PEX7: variants seen among roughly 807,000 people sequenced by gnomAD.
PEX7 encodes the protein PTS2 receptor.
A neutral mutation model predicts 47.5 loss-of-function variants in PEX7; 34 were observed. The observed-to-expected ratio is 0.72, with a 90% CI of 0.54 to 0.95. PEX7 has a LOEUF of 0.95. Ranked by LOEUF, PEX7 falls within the 40% of genes least tolerant of loss-of-function variation. PEX7 has a pLI of 0.00. For synonymous variants in PEX7, 141 were observed against 148.8 expected (o/e 0.95, Z 0.38); for missense variants, 394 against 400.3 (o/e 0.98, Z 0.13).
At position 136,913,865 on chromosome 6, in the gene PEX7, T is replaced by C. The variant is rs1431756536; in HGVS notation, c.*339T>C. 1 of 236,678 alleles carries C rather than the reference T, an allele frequency of 4.2e-6. No homozygotes were observed. The highest frequency in any genetic ancestry group is 8.3e-6 in the Non-Finnish European group (1 of 120,232). 14.7% of individuals were successfully genotyped at this position (236,678 alleles called of 1,614,324 possible). A position where few individuals can be genotyped will look rare whatever the true frequency, so the allele number is the denominator to read the frequency against. On this transcript the variant is annotated 3_prime_UTR_variant, in exon 10 of 10. Coordinates refer to ENST00000318471, the MANE Select transcript of PEX7 (RefSeq NM_000288.4). ...ATAGTGATATATTTCATTTTTAATT[T>C]GTCATTTTTGATGTAAAATATAATC...
chr6:136,909,258 T>G (rs1295746260), intron 9 of PEX7, among the ~76,000 whole-genome samples: 2 of 152,226 alleles, frequency 1.3e-5, no homozygotes, highest in Non-Finnish European at 2.9e-5. Context: ...AAACAGTTCT[T>G]AGGACACAAA....
intron 9 of PEX7, 44 bp from the exon 10 acceptor site, chr6:136,913,414 G>C: frequency 3.6e-6 from 5 of 1,386,030 alleles, no homozygotes; most frequent in East Asian, 2.3e-5. Flanking sequence ...TTGAATTTTT[G>C]TATGTCTAAA....
In PEX7 at chr6:136,913,714, C is replaced by T. The variant is rs1775971605; in HGVS notation, c.*188C>T. ...TTTAGCTGACTCGTTAAGCCTGATA[C>T]ATAAGCCATATTTAAAATTCTAAGA... On this transcript the variant is annotated 3_prime_UTR_variant, in exon 10 of 10. Coordinates refer to ENST00000318471, the MANE Select transcript of PEX7 (RefSeq NM_000288.4). The T allele has an allele frequency of 1.3e-5, 8 of 595,744 alleles. No homozygotes were observed. In the South Asian group the frequency reaches 1.6e-4, roughly 12 times the overall value. 36.9% of individuals were successfully genotyped at this position (595,744 alleles called of 1,614,324 possible).
intron 8 of PEX7, among the ~76,000 whole-genome samples, chr6:136,883,656 C>G (rs932755375): frequency 6.6e-6 from 1 of 152,086 alleles, no homozygotes; most frequent in South Asian, 2.1e-4. Flanking sequence ...ATTTCCAGCC[C>G]CTGTGTCAGG....
intron 5 of PEX7, among the ~76,000 whole-genome samples, chr6:136,856,404 T>C (rs1222783741): frequency 1.3e-5 from 2 of 151,924 alleles, no homozygotes; most frequent in African/African-American, 4.8e-5. Flanking sequence ...TTTATAGGCA[T>C]GGTTGAATGT....
rs568327183 is a variant in PEX7, at chr6:136,900,495, G to C, written c.903+2254G>C. 2.9e-5 allele frequency: 14 copies of C among 480,872 alleles called. No individual in the cohort carries two copies. The highest frequency in any genetic ancestry group is 2.0e-4 in the South Asian group (13 of 65,818). 29.8% of individuals were successfully genotyped at this position (480,872 alleles called of 1,614,324 possible). A position where few individuals can be genotyped will look rare whatever the true frequency, so the allele number is the denominator to read the frequency against. ...AGTGACAGCAGATCTCATCGTGTCTGTCATTGTAATTGGTCCTGATAGCTT... is the reference window on the plus strand; with the variant it reads ...AGTGACAGCAGATCTCATCGTGTCTCTCATTGTAATTGGTCCTGATAGCTT... On this transcript the variant is annotated intron_variant, in intron 9 of 9. Coordinates refer to ENST00000318471, the MANE Select transcript of PEX7 (RefSeq NM_000288.4). This position sits in a 1 kb window ranked among gnomAD's most constrained non-coding sequence, Gnocchi z 4.2.
At chr6:136,863,633 T>G (rs1165069266) in intron 5 of PEX7, among the ~76,000 whole-genome samples, 1 of 152,084 alleles carries the variant, frequency 6.6e-6, no homozygotes, top group Non-Finnish European at 1.5e-5. Context: ...CAGGGCTGGA[T>G]GCAGTGGCTC....
chr6:136,834,592 C>T (rs1183819271), intron 3 of PEX7, among the ~76,000 whole-genome samples: 1 of 152,202 alleles, frequency 6.6e-6, no homozygotes, highest in East Asian at 1.9e-4. Flanking sequence ...GTCCACACAA[C>T]CAGATGTCCT....
chr6:136,867,977 G>A (rs554259573), intron 6 of PEX7, among the ~76,000 whole-genome samples: 189 of 152,134 alleles, frequency 1.2e-3, no homozygotes, highest in African/African-American at 4.1e-3. Context: ...TTCCAGTTTT[G>A]TAAGCTCCAT....
intron 3 of PEX7, among the ~76,000 whole-genome samples, chr6:136,829,285 TG>T (rs1224756784): frequency 1.3e-5 from 2 of 152,166 alleles, no homozygotes; most frequent in African/African-American, 4.8e-5. Context: ...TTCTGGAGGT[TG>T]GAAGTCCAAG....
intron 9 of PEX7, among the ~76,000 whole-genome samples, chr6:136,902,077 G>A (rs900480235): frequency 6.6e-6 from 1 of 152,280 alleles, no homozygotes; most frequent in South Asian, 2.1e-4. Context: ...GAGCCACTGC[G>A]CCCAGCCAAG....
chr6:136,862,947 C>T (rs1774993126), intron 5 of PEX7, among the ~76,000 whole-genome samples: 1 of 152,158 alleles, frequency 6.6e-6, no homozygotes. Context: ...ACATCCACGT[C>T]ACCCTGCATT....
At chr6:136,839,129 T>A (rs558253188) in intron 3 of PEX7, among the ~76,000 whole-genome samples, 75 of 152,234 alleles carry the variant, frequency 4.9e-4, no homozygotes, top group African/African-American at 1.8e-3. Context: ...TGCAGTGAGC[T>A]GTGCTCGTTC....
intron 5 of PEX7, among the ~76,000 whole-genome samples, chr6:136,862,464 C>T (rs1031972753): frequency 7.2e-5 from 11 of 151,838 alleles, no homozygotes; most frequent in African/African-American, 2.7e-4. Context: ...CAGCCTTGAC[C>T]TCCCGGACTC....
chr6:136,845,694 T>C lies in PEX7; in HGVS notation c.417+2T>C. ...TCATGGGATCAAACTGTCAAATTGG[T>C]ATGTTAGCATTATTGTATTCAAAAA... On this transcript the variant is annotated splice_donor_variant, in intron 4 of 9. Transcript: ENST00000318471. LOFTEE classifies it high-confidence loss of function. 6.4e-7 allele frequency: 1 copy of C among 1,574,362 alleles called. No individual in the cohort carries two copies. The highest frequency in any genetic ancestry group is 8.7e-7 in the Non-Finnish European group (1 of 1,143,536).
intron 3 of PEX7, 48 bp downstream of exon 3, chr6:136,826,517 T>C (rs774683449): frequency 4.3e-6 from 7 of 1,611,264 alleles, no homozygotes; most frequent in African/African-American, 2.7e-5. Flanking sequence ...TCTTCGACTT[T>C]GGTTGAAATC....
At chr6:136,854,289 C>T (rs1345008472) in intron 5 of PEX7, among the ~76,000 whole-genome samples, 2 of 152,112 alleles carry the variant, frequency 1.3e-5, no homozygotes, top group African/African-American at 2.4e-5. Flanking sequence ...CTCCGCCTCC[C>T]GGGTTCAAGC....
chr6:136,859,916 T>G (rs910808759), intron 5 of PEX7, among the ~76,000 whole-genome samples: 3 of 151,006 alleles, frequency 2.0e-5, no homozygotes, highest in Non-Finnish European at 4.4e-5. Context: ...TCCCAGCTAC[T>G]GGGAGGCTGA....
chr6:136,832,112 C>T (rs1408222586), intron 3 of PEX7, among the ~76,000 whole-genome samples: 3 of 152,266 alleles, frequency 2.0e-5, no homozygotes, highest in African/African-American at 7.2e-5. Context: ...TCTGCCTGGA[C>T]ATTCAGGTGT....
Sources: gnomAD v4.1 joint callset for allele counts (sites outside exome capture counted in the v4.1 genomes callset) on GRCh38, gnomAD v4.1.1 for gene constraint, Gnocchi (gnomAD v3.1) non-coding constraint, MANE v1.5 for transcripts, NCBI Gene and HGNC (gene_info 2026-07-23, HGNC 2026-07-21) for gene names.